Variants in HERC3 observed in about 807,000 individuals in gnomAD.
The protein encoded by HERC3 is probable E3 ubiquitin-protein ligase HERC3.
A neutral mutation model predicts 129.9 loss-of-function variants in HERC3; 58 were observed. The ratio of observed to expected loss-of-function variants is 0.45; its 90% CI spans 0.36 to 0.56. The LOEUF (loss-of-function observed/expected upper bound fraction) is 0.56. Ranked by LOEUF, HERC3 falls within the 20% of genes least tolerant of loss-of-function variation. HERC3 has a pLI of 0.00. For synonymous variants in HERC3, 430 were observed against 451.0 expected (o/e 0.95, Z 0.59); for missense variants, 835 against 1,244.2 (o/e 0.67, Z 4.95).
At chr4:88,671,385 C>T (rs890351822) in intron 16 of HERC3, among the ~76,000 whole-genome samples, 1 of 152,092 alleles carries the variant, frequency 6.6e-6, no homozygotes, top group African/African-American at 2.4e-5. Context: ...GCTGATCTAA[C>T]TGAACAAGAA....
At chr4:88,540,197 AG>A in the HERC3 span, among the ~76,000 whole-genome samples, 1 of 152,230 alleles carries the variant, frequency 6.6e-6, no homozygotes, top group South Asian at 2.1e-4. Flanking sequence ...TCTTGAAAAA[AG>A]GTTAGACGAA....
chr4:88,697,318 T>A, intron 23 of HERC3: 2 of 1,613,312 alleles, frequency 1.2e-6, no homozygotes, highest in Non-Finnish European at 1.7e-6. Flanking sequence ...CTCCTCGTCA[T>A]CCTCGTACTC....
chr4:88,697,933 A>ACGC (rs1427793630), intron 23 of HERC3: 9 of 789,346 alleles, frequency 1.1e-5, no homozygotes, highest in Admixed American at 3.0e-5. Flanking sequence ...CTATCAGCTG[A>ACGC]CGGCCGTGTG....
chr4:88,654,252 C>T (rs1308073665), intron 7 of HERC3, 119 bp downstream of exon 7: 1 of 586,872 alleles, frequency 1.7e-6, no homozygotes, highest in African/African-American at 1.9e-5. Context: ...AACTTGAATG[C>T]TCTCTTTTAT....
the HERC3 span, among the ~76,000 whole-genome samples, chr4:88,562,347 G>C: frequency 6.6e-6 from 1 of 151,920 alleles, no homozygotes; most frequent in African/African-American, 2.4e-5. Flanking sequence ...TCAAATTATT[G>C]GATTATTTTT....
upstream of HERC3, among the ~76,000 whole-genome samples, chr4:88,590,380 G>A (rs1721634364): frequency 1.3e-5 from 2 of 152,122 alleles, no homozygotes; most frequent in African/African-American, 4.8e-5. Flanking sequence ...CTAACATGGT[G>A]AAACCCCGTC....
At chr4:88,614,174 T>C (rs1422735265) in intron 3 of HERC3, among the ~76,000 whole-genome samples, 3 of 152,222 alleles carry the variant, frequency 2.0e-5, no homozygotes, top group Non-Finnish European at 4.4e-5. Context: ...ATGATACATA[T>C]ATAAGCTCTC....
At chr4:88,654,342 G>A (rs922416680) in intron 7 of HERC3, among the ~76,000 whole-genome samples, 1 of 86,636 alleles carries the variant, frequency 1.2e-5, no homozygotes, top group Non-Finnish European at 2.2e-5. Context: ...TAATCTTGTA[G>A]ATTTTTCATA....
chr4:88,605,879 A>C lies in HERC3; in HGVS notation c.56A>C (p.Gln19Pro). ...CAACCTGGTATCAGCACCAACCTGC[A>C]GGGAATTGTGGCTGAGCCCCAGGTG... The part of the protein sequence containing the change: ...LGQPGISTNL[Q>P]GIVAEPQVCG... The change falls in exon 3 of 26, where the codon CAG (glutamine) becomes CCG (proline). Residue 19 changes from glutamine to proline, a missense_variant. Coordinates refer to ENST00000402738, the MANE Select transcript of HERC3 (RefSeq NM_014606.3). 2 of 1,614,226 alleles carry C rather than the reference A, an allele frequency of 1.2e-6. No homozygotes were observed. Among genetic ancestry groups the C allele is most frequent in the South Asian group, 2.2e-5 (2 of 91,086 alleles).
chr4:88,649,951 A>G lies in HERC3; in HGVS notation c.338A>G (p.Asp113Gly). The G allele has an allele frequency of 1.2e-6, 2 of 1,614,122 alleles. No individual in the cohort carries two copies. The highest frequency in any genetic ancestry group is 1.7e-6 in the Non-Finnish European group (2 of 1,180,000). Residue 113 changes from aspartate (D) to glycine (G), a missense_variant, in exon 4 of 26, where the codon GAT becomes GGT. By Grantham distance (94) the Asp-to-Gly change is moderately conservative (BLOSUM62 -1). Transcript: ENST00000402738. ...GQLFSWGAGS[D>G]GQLGLMTTED... ...CTGTTTTCTTGGGGTGCAGGGAGTGATGGTCAGCTAGGACTCATGACTACT... is the reference window on the plus strand; with the variant it reads ...CTGTTTTCTTGGGGTGCAGGGAGTGGTGGTCAGCTAGGACTCATGACTACT...
Position 88,662,416 on chromosome 4 carries a change from C to A in HERC3, c.1147-15C>A, listed in dbSNP as rs753588627. On this transcript the variant is annotated splice_polypyrimidine_tract_variant and intron_variant, in intron 10 of 25. Transcript: ENST00000402738. ...ACATAATTTCTTCTTTTTACTGTTA[C>A]ATTTAATTCTCCAGAATTATTCTCC... 1 of 1,598,056 alleles carries A rather than the reference C, an allele frequency of 6.3e-7. No individual in the cohort carries two copies. Among genetic ancestry groups the A allele is most frequent in the Non-Finnish European group, 8.5e-7 (1 of 1,174,236 alleles).
chr4:88,660,570 G>A (rs770694067), intron 10 of HERC3, among the ~76,000 whole-genome samples: 24 of 152,082 alleles, frequency 1.6e-4, no homozygotes, highest in Non-Finnish European at 3.1e-4. Flanking sequence ...AAGAAGGGAG[G>A]GAAGGAGTTA....
chr4:88,543,551 C>A, the HERC3 span, among the ~76,000 whole-genome samples: 1 of 152,152 alleles, frequency 6.6e-6, no homozygotes, highest in Admixed American at 6.5e-5. Context: ...ATCAAGCTAC[C>A]AATGACTTTC....
the HERC3 span, among the ~76,000 whole-genome samples, chr4:88,576,113 C>CAG: frequency 6.6e-6 from 1 of 152,158 alleles, no homozygotes; most frequent in Non-Finnish European, 1.5e-5. Flanking sequence ...GCTGTTTTCT[C>CAG]TTCTACCTTC....
intron 3 of HERC3, among the ~76,000 whole-genome samples, chr4:88,627,706 C>T (rs897051560): frequency 6.6e-6 from 1 of 151,934 alleles, no homozygotes; most frequent in Non-Finnish European, 1.5e-5. Flanking sequence ...AGTTTGAGAC[C>T]AGCCTGGCTG....
intron 19 of HERC3, among the ~76,000 whole-genome samples, chr4:88,679,627 C>T (rs1732547650): frequency 6.6e-6 from 1 of 151,752 alleles, no homozygotes; most frequent in Admixed American, 6.6e-5. Context: ...TCAAGCGACA[C>T]TCCTGTCTCA....
At chr4:88,694,881 G>A (rs1734439933) in intron 23 of HERC3, among the ~76,000 whole-genome samples, 1 of 152,044 alleles carries the variant, frequency 6.6e-6, no homozygotes, top group Non-Finnish European at 1.5e-5. Flanking sequence ...GCCTATAAAT[G>A]GTTATTGGTT....
intron 3 of HERC3, among the ~76,000 whole-genome samples, chr4:88,622,508 G>A (rs553280576): frequency 2.0e-5 from 3 of 152,310 alleles, no homozygotes; most frequent in African/African-American, 7.2e-5. Context: ...CCTAGAAGTG[G>A]AATTGTTGGG....
upstream of HERC3, among the ~76,000 whole-genome samples, chr4:88,591,993 C>T (rs1721739554): frequency 6.6e-6 from 1 of 152,060 alleles, no homozygotes; most frequent in Admixed American, 6.5e-5. Context: ...CGCGGGCCGG[C>T]GCCGCGCTTC....
Sources: allele counts gnomAD v4.1 joint callset (sites outside exome capture counted in the v4.1 genomes callset), GRCh38; gene constraint gnomAD v4.1.1; transcripts MANE v1.5; gene names NCBI Gene and HGNC (gene_info 2026-07-23, HGNC 2026-07-21).